Variants in PDE1C observed in about 807,000 individuals in gnomAD.
The protein encoded by PDE1C is phosphodiesterase 1C, also known as dual specificity calcium/calmodulin-dependent 3',5'-cyclic nucleotide phosphodiesterase 1C.
A neutral mutation model predicts 93.1 loss-of-function variants in PDE1C; 62 were observed. The ratio of observed to expected loss-of-function variants is 0.67; its 90% CI spans 0.54 to 0.82. The LOEUF (loss-of-function observed/expected upper bound fraction) is 0.82, where lower values mean the gene tolerates loss of function less well. Ranked by LOEUF, PDE1C falls within the 40% of genes least tolerant of loss-of-function variation. PDE1C has a pLI of 0.00. For missense variants in PDE1C, 742 were observed against 884.6 expected (o/e 0.84, Z 2.04); for synonymous variants, 325 against 310.1 (o/e 1.05, Z -0.50).
At chr7:31,644,050 A>G in the PDE1C span, 1 of 1,129,322 alleles carries the variant, frequency 8.9e-7, no homozygotes, top group Non-Finnish European at 1.2e-6. Context: ...GCAAGATCTC[A>G]GGGCAAACTT....
intron 2 of PDE1C, among the ~76,000 whole-genome samples, chr7:31,965,520 T>G (rs1201343833): frequency 6.6e-6 from 1 of 152,136 alleles, no homozygotes; most frequent in African/African-American, 2.4e-5. Flanking sequence ...TGGAACCAAG[T>G]TAGGAAACAC....
chr7:31,815,948 A>T lies in PDE1C; in HGVS notation c.1789T>A (p.Ser597Thr). The T allele has an allele frequency of 1.9e-6, 3 of 1,613,182 alleles. No homozygotes were observed. Among genetic ancestry groups the T allele is most frequent in the Non-Finnish European group, 2.5e-6 (3 of 1,179,272 alleles). Reference sequence around the variant, plus strand: ...CCATTCTGTTGCTGTTCTCCTGATGACTTCTCGGCTTTGGAGTTTTTCCCA... The same window carrying T: ...CCATTCTGTTGCTGTTCTCCTGATGTCTTCTCGGCTTTGGAGTTTTTCCCA... The part of the protein sequence containing the change: ...PRGKNSKAEK[S>T]SGEQQQNGDF... The change falls in exon 15 of 18, where the codon TCA becomes ACA. Residue 597 changes from serine to threonine, a missense_variant. By Grantham distance (58) the Ser-to-Thr change is moderately conservative (BLOSUM62 1). Transcript: ENST00000396191.
chr7:31,642,835 G>T, the PDE1C span: 1 of 1,613,850 alleles, frequency 6.2e-7, no homozygotes, highest in Non-Finnish European at 8.5e-7. Context: ...TTCAAGCCAA[G>T]AAGCGAATGC....
At chr7:32,275,800 C>T (rs903500240) in intron 1 of PDE1C, among the ~76,000 whole-genome samples, 1 of 152,166 alleles carries the variant, frequency 6.6e-6, no homozygotes, top group Non-Finnish European at 1.5e-5. Context: ...CCAAACCCCA[C>T]GACCACACAG....
intron 2 of PDE1C, among the ~76,000 whole-genome samples, chr7:31,947,778 T>C (rs1584128623): frequency 6.6e-6 from 1 of 152,166 alleles, no homozygotes; most frequent in African/African-American, 2.4e-5. Flanking sequence ...CACAAGGTCA[T>C]AAATACCTCA....
At chr7:32,157,064 G>A (rs758878601) in intron 3 of PDE1C, among the ~76,000 whole-genome samples, 3 of 152,174 alleles carry the variant, frequency 2.0e-5, no homozygotes, top group African/African-American at 4.8e-5. Flanking sequence ...TAGAGGCAAC[G>A]ATCAGAAAAA....
At chr7:31,963,834 C>G (rs1262231896) in intron 2 of PDE1C, among the ~76,000 whole-genome samples, 1 of 152,160 alleles carries the variant, frequency 6.6e-6, no homozygotes, top group East Asian at 1.9e-4. Context: ...AACCACTGAC[C>G]TTGACCTGAA....
At chr7:31,991,837 G>C (rs1419893267) in intron 2 of PDE1C, among the ~76,000 whole-genome samples, 3 of 152,192 alleles carry the variant, frequency 2.0e-5, no homozygotes, top group Non-Finnish European at 2.9e-5. Context: ...TCTACTAGTA[G>C]CATACTTAAC....
the PDE1C span, among the ~76,000 whole-genome samples, chr7:31,686,362 C>T: frequency 6.6e-6 from 1 of 152,144 alleles, no homozygotes; most frequent in African/African-American, 2.4e-5. Context: ...TGTCTCCCGC[C>T]TCTCCCACCT....
chr7:32,401,176 G>A (rs375931820), intron 1 of PDE1C, among the ~76,000 whole-genome samples: 7 of 152,346 alleles, frequency 4.6e-5, no homozygotes, highest in Middle Eastern at 3.4e-3. Context: ...ATGTATGTAT[G>A]TGTGTATTTA....
At chr7:31,662,187 G>A in the PDE1C span, among the ~76,000 whole-genome samples, 4 of 152,146 alleles carry the variant, frequency 2.6e-5, no homozygotes, top group African/African-American at 9.7e-5. Flanking sequence ...AAGGGAATAT[G>A]GTCCTGCTGG....
intron 2 of PDE1C, among the ~76,000 whole-genome samples, chr7:31,974,500 C>G (rs1309081942): frequency 6.6e-6 from 1 of 152,154 alleles, no homozygotes; most frequent in African/African-American, 2.4e-5. Flanking sequence ...ACACACTAAA[C>G]TGTACTAACA....
the PDE1C span, among the ~76,000 whole-genome samples, chr7:31,620,477 A>G: frequency 0.93 from 140,776 of 150,592 alleles, 66,099 homozygotes; most frequent in East Asian, 0.99. Flanking sequence ...TGCAGACACC[A>G]CTGCTGATAC....
At chr7:32,267,683 C>T (rs1810704560) in intron 1 of PDE1C, among the ~76,000 whole-genome samples, 1 of 151,238 alleles carries the variant, frequency 6.6e-6, no homozygotes, top group Non-Finnish European at 1.5e-5. Context: ...TCTCTAGCAC[C>T]CCTGGCAGTG....
chr7:32,054,634 A>G (rs1250925815), intron 1 of PDE1C, among the ~76,000 whole-genome samples: 2 of 152,192 alleles, frequency 1.3e-5, no homozygotes, highest in Non-Finnish European at 2.9e-5. Context: ...GGTAGACCCA[A>G]AGAAAGACAG....
intron 16 of PDE1C, chr7:31,784,406 T>G (rs1197976370): frequency 6.6e-6 from 1 of 152,242 alleles, no homozygotes; most frequent in Non-Finnish European, 1.5e-5. Flanking sequence ...CCTTTTTTCC[T>G]GCTTCCTTTT....
chr7:32,133,267 A>T (rs1243402159), intron 3 of PDE1C, among the ~76,000 whole-genome samples: 3 of 152,184 alleles, frequency 2.0e-5, no homozygotes, highest in Non-Finnish European at 4.4e-5. Flanking sequence ...AACAGCTATA[A>T]ACTCTAGAAA....
chr7:32,185,025 C>T (rs78976652), intron 2 of PDE1C, among the ~76,000 whole-genome samples: 22,315 of 151,836 alleles, frequency 0.15, 1,821 homozygotes, highest in East Asian at 0.25. Flanking sequence ...GCAGGATAAG[C>T]TCTTGAACCC....
chr7:32,315,635 A>G (rs1783153432), intron 1 of PDE1C, among the ~76,000 whole-genome samples: 1 of 152,244 alleles, frequency 6.6e-6, no homozygotes, highest in African/African-American at 2.4e-5. Context: ...ATAGAAAAAT[A>G]AACATTTTTA....
Sources: gnomAD v4.1 joint callset for allele counts (sites outside exome capture counted in the v4.1 genomes callset) on GRCh38, gnomAD v4.1.1 for gene constraint, MANE v1.5 for transcripts, NCBI Gene and HGNC (gene_info 2026-07-23, HGNC 2026-07-21) for gene names.